Variants in STK32B observed in about 807,000 individuals in gnomAD.
STK32B encodes serine/threonine kinase 32B.
Under a neutral mutation model 52.6 loss-of-function variants are expected in STK32B, and 43 were observed. The observed-to-expected ratio is 0.82, with a 90% CI of 0.64 to 1.05. The LOEUF (loss-of-function observed/expected upper bound fraction) is 1.05, where lower values mean the gene tolerates loss of function less well. STK32B is among the 50% of genes least tolerant of loss of function. STK32B has a pLI of 0.00. For synonymous variants in STK32B, 238 were observed against 204.3 expected (o/e 1.17, Z -1.41); for missense variants, 621 against 534.6 (o/e 1.16, Z -1.59).
At chr4:5,082,646 A>G (rs1416441492) in intron 1 of STK32B, among the ~76,000 whole-genome samples, 1 of 152,096 alleles carries the variant, frequency 6.6e-6, no homozygotes, top group East Asian at 1.9e-4. Flanking sequence ...TTTTCAGGGC[A>G]TTGTCTGCCC....
At chr4:5,357,354 A>G (rs1734256198) in intron 4 of STK32B, among the ~76,000 whole-genome samples, 1 of 151,552 alleles carries the variant, frequency 6.6e-6, no homozygotes, top group Non-Finnish European at 1.5e-5. Context: ...GAGCACTACC[A>G]TGTGCCTGCC....
chr4:5,391,696 T>C (rs1383793675), intron 4 of STK32B, among the ~76,000 whole-genome samples: 8 of 152,188 alleles, frequency 5.3e-5, no homozygotes, highest in Non-Finnish European at 1.2e-4. Flanking sequence ...TGAAGGCCTT[T>C]GGAATCTGGC....
At chr4:5,436,951 A>T (rs929704848) in intron 6 of STK32B, among the ~76,000 whole-genome samples, 1 of 152,248 alleles carries the variant, frequency 6.6e-6, no homozygotes, top group African/African-American at 2.4e-5. Context: ...TCAGTGAGCC[A>T]GACAAGCCCT....
rs1400347839 is a variant in STK32B at position 5,159,558 on chromosome 4, TATGA to T, written c.109-8734_109-8731del. ...GTATATATGTATATATATGAATATA[TATGA>T]ATGAATATATATGAATATATATATG... On this transcript the variant is annotated intron_variant, in intron 2 of 11. Coordinates refer to ENST00000282908, the MANE Select transcript of STK32B (RefSeq NM_018401.3). Among the ~76,000 whole-genome samples the T allele has an allele frequency of 6.7e-3, 520 of 77,984 alleles. 36 individuals carry two copies. Among genetic ancestry groups the T allele is most frequent in the African/African-American group, 0.045 (484 of 10,846 alleles). The allele number at this position is 77,984 out of a possible 152,430, so 51.2% of individuals were successfully genotyped here.
intron 3 of STK32B, among the ~76,000 whole-genome samples, chr4:5,193,104 T>C (rs1005985765): frequency 3.3e-5 from 5 of 152,102 alleles, no homozygotes; most frequent in Non-Finnish European, 7.4e-5. Context: ...TGCCCATGCC[T>C]GGGGGAATGA....
At chr4:5,393,310 A>C (rs1298246927) in intron 4 of STK32B, among the ~76,000 whole-genome samples, 3 of 152,224 alleles carry the variant, frequency 2.0e-5, no homozygotes, top group Non-Finnish European at 4.4e-5. Context: ...GGTTGCTGTC[A>C]TAAGAACCAT....
intron 3 of STK32B, among the ~76,000 whole-genome samples, chr4:5,194,654 T>G (rs796224184): frequency 8.5e-5 from 13 of 152,342 alleles, no homozygotes; most frequent in African/African-American, 2.4e-4. Context: ...GTTCTCTCAC[T>G]GCTATAAAGA....
chr4:5,362,276 T>C (rs920199327), intron 4 of STK32B, among the ~76,000 whole-genome samples: 4 of 152,218 alleles, frequency 2.6e-5, no homozygotes, highest in African/African-American at 9.6e-5. Flanking sequence ...AGACATTGAA[T>C]GAATAAATTT....
At chr4:5,135,759 AG>A (rs1553832241) in intron 1 of STK32B, among the ~76,000 whole-genome samples, 1 of 152,168 alleles carries the variant, frequency 6.6e-6, no homozygotes, top group Non-Finnish European at 1.5e-5. Flanking sequence ...GAAGTGGTAG[AG>A]TGGAAGGGCT....
chr4:5,353,971 C>A (rs143902948), intron 4 of STK32B, among the ~76,000 whole-genome samples: 1 of 152,226 alleles, frequency 6.6e-6, no homozygotes, highest in Non-Finnish European at 1.5e-5. Context: ...TGCGAAGATA[C>A]GGAATCAACC....
At chr4:5,096,041 G>A (rs1420245883) in intron 1 of STK32B, among the ~76,000 whole-genome samples, 1 of 152,126 alleles carries the variant, frequency 6.6e-6, no homozygotes, top group Non-Finnish European at 1.5e-5. Flanking sequence ...ATTGTCTTCT[G>A]TGTCTGTTTC....
At chr4:5,333,149 C>T (rs1732390147) in intron 4 of STK32B, among the ~76,000 whole-genome samples, 1 of 151,982 alleles carries the variant, frequency 6.6e-6, no homozygotes, top group South Asian at 2.1e-4. Flanking sequence ...ACATCCTCTC[C>T]AGCACCTGTT....
chr4:5,191,957 C>T (rs995785709), intron 3 of STK32B, among the ~76,000 whole-genome samples: 4 of 152,332 alleles, frequency 2.6e-5, no homozygotes, highest in African/African-American at 7.2e-5. Flanking sequence ...ATGCTCCCTG[C>T]AACCCCACTC....
intron 1 of STK32B, among the ~76,000 whole-genome samples, chr4:5,130,247 G>A (rs1715674721): frequency 6.6e-6 from 1 of 151,850 alleles, no homozygotes; most frequent in Non-Finnish European, 1.5e-5. Flanking sequence ...AGGGACAGCA[G>A]GGCAAAGGCT....
intron 4 of STK32B, among the ~76,000 whole-genome samples, chr4:5,357,050 CACACACATATAT>C (rs1414168079): frequency 2.7e-5 from 4 of 146,336 alleles, no homozygotes; most frequent in East Asian, 2.0e-4. Context: ...CATATATACA[CACACACATATAT>C]ACACACATAT....
At chr4:5,122,260 A>C (rs1715075817) in intron 1 of STK32B, among the ~76,000 whole-genome samples, 1 of 151,418 alleles carries the variant, frequency 6.6e-6, no homozygotes, top group African/African-American at 2.4e-5. Flanking sequence ...TCATTTACTC[A>C]TTCATTCATT....
Position 5,396,289 on chromosome 4 carries a change from A to C in STK32B, c.435-1918A>C, listed in dbSNP as rs28562509. Among the ~76,000 whole-genome samples the C allele has an allele frequency of 0.035, 5,400 of 152,212 alleles. 152 individuals carry two copies. The highest frequency in any genetic ancestry group is 0.084 in the East Asian group (436 of 5,180). ...TGGTTCATGGCTGCATCACTCCAGT[A>C]TCTGCTTCCATCTCCCCATGGCCTT... On this transcript the variant is annotated intron_variant, in intron 4 of 11. Transcript: ENST00000282908. The surrounding 1 kb of genome is among the most constrained non-coding windows in gnomAD (Gnocchi z 4.7).
At chr4:5,095,479 G>T (rs558516117) in intron 1 of STK32B, among the ~76,000 whole-genome samples, 1 of 152,118 alleles carries the variant, frequency 6.6e-6, no homozygotes, top group Non-Finnish European at 1.5e-5. Context: ...GCCAGGCGTG[G>T]TGGCACATGC....
intron 4 of STK32B, among the ~76,000 whole-genome samples, chr4:5,384,256 C>A (rs570614318): frequency 1.6e-4 from 24 of 152,124 alleles, no homozygotes; most frequent in African/African-American, 5.3e-4. Context: ...ACAGCTCTGC[C>A]CTGGTGAGCA....
Sources: allele counts gnomAD v4.1 joint callset (sites outside exome capture counted in the v4.1 genomes callset), GRCh38; gene constraint gnomAD v4.1.1; non-coding constraint Gnocchi (gnomAD v3.1); transcripts MANE v1.5; gene names NCBI Gene and HGNC (gene_info 2026-07-23, HGNC 2026-07-21).